The following ANO8 variants were observed in gnomAD, a reference collection of about 807,000 sequenced individuals.
The protein encoded by ANO8 is anoctamin 8.
ANO8 carries 67 observed loss-of-function variants against 120.4 expected under a neutral mutation model. The observed-to-expected ratio is 0.56, with a 90% confidence interval of 0.46 to 0.68. ANO8 has a LOEUF of 0.68. Ranked by LOEUF, ANO8 falls within the 30% of genes least tolerant of loss-of-function variation. The pLI, the probability that ANO8 is intolerant of heterozygous loss-of-function variation, is 0.00. For synonymous variants in ANO8, 727 were observed against 759.2 expected (o/e 0.96, Z 0.70); for missense variants, 1,526 against 1,737.6 (o/e 0.88, Z 2.16).
chr19:17,330,021 G>A lies in ANO8; in HGVS notation c.1274-7C>T, dbSNP rs535634769. 2 of 1,613,852 alleles carry A rather than the reference G, an allele frequency of 1.2e-6. No individual in the cohort carries two copies. On this transcript the variant is annotated splice_region_variant and splice_polypyrimidine_tract_variant and intron_variant, in intron 10 of 17. Coordinates refer to ENST00000159087, the MANE Select transcript of ANO8 (RefSeq NM_020959.3). ...CTCTCCAGCCGGTAATTTTCTAGGG[G>A]CCAAGGGGGGGAGTGAGGGGGCAGC...
intron 16 of ANO8, among the ~76,000 whole-genome samples, chr19:17,326,068 G>A (rs2074272070): frequency 6.6e-6 from 1 of 152,192 alleles, no homozygotes; most frequent in Non-Finnish European, 1.5e-5. Flanking sequence ...GGTACTTTCT[G>A]GGAATTGAAA....
In ANO8 at chr19:17,330,708, T is replaced by G. The variant is rs2145689470; in HGVS notation, c.993+120A>C. 6 of 1,455,926 alleles carry G rather than the reference T, an allele frequency of 4.1e-6. No individual in the cohort carries two copies. The South Asian group carries it at 6.7e-5, about 16-fold the overall frequency. 90.2% of individuals were successfully genotyped at this position (1,455,926 alleles called of 1,614,324 possible). ...GGAGCACACAGAGCCCGCCTCGGTT[T>G]GGCATACCCTCTTTGATGAAACAAT... On this transcript the variant is annotated intron_variant, in intron 8 of 17. Transcript: ENST00000159087.
At chr19:17,330,300 C>A in intron 9 of ANO8, 49 bp from the exon 10 acceptor site, 1 of 1,613,088 alleles carries the variant, frequency 6.2e-7, no homozygotes, top group African/African-American at 1.3e-5. Flanking sequence ...GGGCTCAGCC[C>A]AAGGTGGAGC....
In ANO8 at chr19:17,334,804, C is replaced by A; in HGVS notation, c.-134G>T. The A allele has an allele frequency of 8.3e-7, 1 of 1,202,242 alleles. No homozygotes were observed. Among genetic ancestry groups the A allele is most frequent in the Non-Finnish European group, 1.1e-6 (1 of 902,308 alleles). 74.5% of individuals were successfully genotyped at this position (1,202,242 alleles called of 1,614,324 possible). ...GCGCCCGCCCGCGCCGGCCTCGGTCCTCGCTCGCCCGAGCGCTGCTTCTCG... is the reference window on the plus strand; with the variant it reads ...GCGCCCGCCCGCGCCGGCCTCGGTCATCGCTCGCCCGAGCGCTGCTTCTCG... On this transcript the variant is annotated 5_prime_UTR_variant, in exon 1 of 18. It adds an upstream start codon to the 5' untranslated region. Transcript: ENST00000159087.
Position 17,325,187 on chromosome 19 carries a change from G to A in ANO8, c.2861C>T (p.Thr954Ile). ...CCGTTCAGGCCCGTGGCCACCCGCA[G>A]TGCTGCCCTTGGCCTTGGCAGAGGC... Reference protein sequence around the residue: ...EKASAKAKGSTAGGHGPERPK... With the variant: ...EKASAKAKGSIAGGHGPERPK... The change falls in exon 17 of 18, where the codon ACT becomes ATT. Residue 954 changes from threonine (T) to isoleucine (I), a missense_variant. Thr to Ile is a moderately conservative substitution (Grantham distance 89, BLOSUM62 -1). Transcript: ENST00000159087. 1 of 1,613,082 alleles carries A rather than the reference G, an allele frequency of 6.2e-7. No individual in the cohort carries two copies. Among genetic ancestry groups the A allele is most frequent in the South Asian group, 1.1e-5 (1 of 91,042 alleles).
At position 17,324,911 on chromosome 19, in the gene ANO8, G is replaced by T. The variant is rs958403867; in HGVS notation, c.3137C>A (p.Pro1046His). The change falls in exon 17 of 18, where the codon CCC becomes CAC. Residue 1046 changes from proline to histidine, a missense_variant. Coordinates refer to ENST00000159087, the MANE Select transcript of ANO8 (RefSeq NM_020959.3). ...RRDSERSHSP[P>H]KAFHAGKLFP... is the part of the protein sequence containing the mutation. ...GAGCTTGCCAGCATGGAAGGCTTTG[G>T]GCGGTGAGTGGCTGCGCTCAGAGTC... 1.2e-6 allele frequency: 2 copies of T among 1,613,448 alleles called. No homozygotes were observed. The highest frequency in any genetic ancestry group is 1.7e-6 in the Non-Finnish European group (2 of 1,179,910).
chr19:17,328,550 C>T lies in ANO8; in HGVS notation c.1838G>A (p.Arg613Gln). ...CTCAGCGAAGCTGACCTTCTTCAGC[C>T]GGAGCCCGCAGTCCAGGAGGCCCCC... Reference protein sequence around the residue: ...EEGGLLDCGLRLKKVSFAERG... With the variant: ...EEGGLLDCGLQLKKVSFAERG... Residue 613 changes from arginine to glutamine, a missense_variant, in exon 13 of 18, where the codon CGG becomes CAG. Physicochemically the swap from Arg to Gln is conservative, Grantham distance 43 (BLOSUM62 1). This residue lies in a region of ANO8 where 467 missense variants were observed against 425.8 expected (regional missense o/e 1.10). Transcript: ENST00000159087. 1 of 1,548,730 alleles carries T rather than the reference C, an allele frequency of 6.5e-7. No homozygotes were observed. The highest frequency in any genetic ancestry group is 8.7e-7 in the Non-Finnish European group (1 of 1,147,410).
Position 17,328,962 on chromosome 19 carries a change from T to A in ANO8, c.1426A>T (p.Thr476Ser). ...LKEMLATLLI[T>S]RQFLQNVREV... ...CGCACGTTCTGGAGGAACTGGCGGG[T>A]GATCAGCAGCGTGGCCAGCATCTGG... The change falls in exon 13 of 18, where the codon ACC becomes TCC. Residue 476 changes from threonine to serine, a missense_variant. This residue lies in a region of ANO8 where 467 missense variants were observed against 425.8 expected (regional missense o/e 1.10). Transcript: ENST00000159087. 6.7e-7 allele frequency: 1 copy of A among 1,495,694 alleles called. No homozygotes were observed. The highest frequency in any genetic ancestry group is 8.9e-7 in the Non-Finnish European group (1 of 1,124,440). 92.7% of individuals were successfully genotyped at this position (1,495,694 alleles called of 1,614,324 possible).
Position 17,323,780 on chromosome 19 carries a change from C to A in ANO8, c.3436G>T (p.Ala1146Ser), listed in dbSNP as rs1169265030. 1 of 1,164,254 alleles carries A rather than the reference C, an allele frequency of 8.6e-7. No individual in the cohort carries two copies. The highest frequency in any genetic ancestry group is 1.1e-6 in the Non-Finnish European group (1 of 943,860). 72.1% of individuals were successfully genotyped at this position (1,164,254 alleles called of 1,614,324 possible). Residue 1146 changes from alanine (A) to serine (S), a missense_variant, in exon 18 of 18, where the codon GCA (alanine) becomes TCA (serine). Physicochemically the swap from Ala to Ser is moderately conservative, Grantham distance 99. Transcript: ENST00000159087. ...MPLPRPPTPP[A>S]GCWQWDGPWG... ...GGCCCGTCCCACTGCCAGCAGCCTG[C>A]GGGCGGTGTCGGGGGCCGGGGCAGC...
At position 17,331,423 on chromosome 19, in the gene ANO8, G is replaced by A. The variant is rs2074317482; in HGVS notation, c.587-12C>T. On this transcript the variant is annotated splice_polypyrimidine_tract_variant and intron_variant, in intron 5 of 17. Coordinates refer to ENST00000159087, the MANE Select transcript of ANO8 (RefSeq NM_020959.3). ...TGCCAGCTCCGGGACTGTGGAGGGA[G>A]GAGCACAGGTGATCCCCGCCCCTCC... The A allele has an allele frequency of 3.1e-6, 5 of 1,611,276 alleles. No individual in the cohort carries two copies. Among genetic ancestry groups the A allele is most frequent in the Non-Finnish European group, 4.2e-6 (5 of 1,178,764 alleles).
At position 17,328,603 on chromosome 19, in the gene ANO8, T is replaced by TTCCTCCTCGTCCTCC; in HGVS notation, c.1770_1784dup (p.Asp592_Glu596dup). 2.6e-6 allele frequency: 4 copies of TTCCTCCTCGTCCTCC among 1,541,450 alleles called. No homozygotes were observed. The highest frequency in any genetic ancestry group is 3.5e-6 in the Non-Finnish European group (4 of 1,143,098). On this transcript the variant is annotated inframe_insertion, in exon 13 of 18. Coordinates refer to ENST00000159087, the MANE Select transcript of ANO8 (RefSeq NM_020959.3). ...CCTCGCCCTCCTCCTCGTCCTCCTC[T>TTCCTCCTCGTCCTCC]TCCTCCTCGTCCTCCTCCTCCTCGT... is the stretch of plus-strand genomic sequence containing the variant.
At chr19:17,325,756 T>C (rs1808547) in intron 16 of ANO8, among the ~76,000 whole-genome samples, 110,280 of 152,176 alleles carry the variant, frequency 0.72, 41,298 homozygotes, top group African/African-American at 0.85. Flanking sequence ...GGCAAAACCC[T>C]GTCTCTACCA....
rs77436832 is a variant in ANO8, at chr19:17,324,856, A to C, written c.3192T>G (p.Pro1064=). The change falls in exon 17 of 18, where the codon CCT becomes CCG. Residue 1064 remains proline, a synonymous_variant. Transcript: ENST00000159087. ...CCTGCCCGCCCGCCCCGTTGGACCC[A>C]GGCTCAGCCCGGGTGCCACCAAAGG... ...LFPFGGTRAE[P]GSNGAGGQAR... 2,072 of 1,612,676 alleles carry C rather than the reference A, an allele frequency of 1.3e-3. 26 individuals carry two copies. In the African/African-American group the frequency reaches 0.025, roughly 19 times the overall value.
chr19:17,329,238 C>G (rs2074298985), intron 12 of ANO8: 3 of 449,372 alleles, frequency 6.7e-6, no homozygotes, highest in Non-Finnish European at 1.2e-5. Flanking sequence ...CCACCGCGGG[C>G]TCTGTCGGTG....
chr19:17,330,183 C>A lies in ANO8; in HGVS notation c.1215G>T (p.Leu405=). ...ARFLPKVMLA[L]LVSVSAEGYK... ...AGCCCTCGGCACTCACACTGACAAGCAGGGCCAGCATGACCTTAGGCAGGA... is the reference window on the plus strand; with the variant it reads ...AGCCCTCGGCACTCACACTGACAAGAAGGGCCAGCATGACCTTAGGCAGGA... Residue 405 remains leucine, a synonymous_variant, in exon 10 of 18, where the codon CTG becomes CTT. Transcript: ENST00000159087. 6.2e-7 allele frequency: 1 copy of A among 1,614,084 alleles called. No individual in the cohort carries two copies. The highest frequency in any genetic ancestry group is 8.5e-7 in the Non-Finnish European group (1 of 1,180,020).
Position 17,327,698 on chromosome 19 carries a change from G to C in ANO8, c.2409C>G (p.Gly803=), listed in dbSNP as rs757241050. 8 of 1,613,248 alleles carry C rather than the reference G, an allele frequency of 5.0e-6. No individual in the cohort carries two copies. The highest frequency in any genetic ancestry group is 1.7e-4 in the Middle Eastern group (1 of 6,054). Reference sequence around the variant, plus strand: ...CTTGGCTTCCCCCCACCTGCCACTGGCCGATGCTTTCCACGCGCTGGCCGA... The same window carrying C: ...CTTGGCTTCCCCCCACCTGCCACTGCCCGATGCTTTCCACGCGCTGGCCGA... ...RPFGQRVESI[G]QWQKVMEAMG... is the part of the protein sequence containing the mutation. Residue 803 remains glycine (G), a synonymous_variant, in exon 14 of 18, where the codon GGC becomes GGG. Transcript: ENST00000159087.
chr19:17,328,371 C>G lies in ANO8; in HGVS notation c.2017G>C (p.Glu673Gln). 1 of 1,574,346 alleles carries G rather than the reference C, an allele frequency of 6.4e-7. No individual in the cohort carries two copies. Among genetic ancestry groups the G allele is most frequent in the Non-Finnish European group, 8.6e-7 (1 of 1,164,662 alleles). Residue 673 changes from glutamate to glutamine, a missense_variant, in exon 13 of 18, where the codon GAG becomes CAG. Glu to Gln is a conservative substitution (Grantham distance 29, BLOSUM62 2). Coordinates refer to ENST00000159087, the MANE Select transcript of ANO8 (RefSeq NM_020959.3). ...AEGAPGSPER[E>Q]PPAILFRRAG... ...CGGCGGAACAAGATGGCCGGGGGCT[C>G]CCGTTCAGGGCTGCCGGGAGCCCCC...
intron 8 of ANO8, 148 bp from the exon 9 acceptor site, chr19:17,330,652 C>T (rs2074310989): frequency 7.2e-7 from 1 of 1,393,032 alleles, no homozygotes; most frequent in African/African-American, 1.4e-5. Context: ...GTTCCCAGTC[C>T]CTCAAATCCA....
rs1425569371 is a variant in ANO8, at chr19:17,333,745, C to T, written c.162G>A (p.Lys54=). 5.0e-6 allele frequency: 8 copies of T among 1,609,664 alleles called. No individual in the cohort carries two copies. The highest frequency in any genetic ancestry group is 6.8e-6 in the Non-Finnish European group (8 of 1,178,966). Residue 54 remains lysine (K), a synonymous_variant, in exon 2 of 18, where the codon AAG becomes AAA. Coordinates refer to ENST00000159087, the MANE Select transcript of ANO8 (RefSeq NM_020959.3). This position sits in a 1 kb window ranked among gnomAD's most constrained non-coding sequence, Gnocchi z 7.2. ...CTGTAGGCACCGTCTTCATCCACGC[C>T]TTGTGGGACACCAGGTAGCGACCAG... ...LQAGRYLVSH[K]AWMKTVPTEN...
Sources: allele counts gnomAD v4.1 joint callset (sites outside exome capture counted in the v4.1 genomes callset), GRCh38; gene constraint gnomAD v4.1.1; regional missense constraint gnomAD v4.1.1; non-coding constraint Gnocchi (gnomAD v3.1); transcripts MANE v1.5; gene names NCBI Gene and HGNC (gene_info 2026-07-23, HGNC 2026-07-21).